The following APIP variants were observed in gnomAD, a reference collection of about 807,000 sequenced individuals.
APIP encodes the protein methylthioribulose-1-phosphate dehydratase.
In APIP, 32 loss-of-function variants were observed where a neutral mutation model predicts 32.0. The observed-to-expected ratio is 1.00, with a 90% CI of 0.76 to 1.34. APIP has a LOEUF of 1.34. APIP is among the 40% of genes most tolerant of loss of function. The pLI, the probability that APIP is intolerant of heterozygous loss-of-function variation, is 0.00. For missense variants in APIP, 247 were observed against 298.6 expected, an observed-to-expected ratio of 0.83 and a Z score of 1.27; for synonymous variants, 92 against 94.8, an observed-to-expected ratio of 0.97 and a Z score of 0.17.
At chr11:34,884,814 A>G (rs1442396484) in intron 5 of APIP, among the ~76,000 whole-genome samples, 2 of 152,100 alleles carry the variant, frequency 1.3e-5, no homozygotes, top group East Asian at 3.8e-4. Context: ...AACCATAAAC[A>G]TATTTTTCTC....
intron 3 of APIP, among the ~76,000 whole-genome samples, chr11:34,889,947 G>T (rs745831166): frequency 4.0e-5 from 6 of 151,870 alleles, no homozygotes; most frequent in Non-Finnish European, 5.9e-5. Flanking sequence ...TATCTGCCAG[G>T]ATTTATTAAA....
At chr11:34,902,073 G>T (rs2133917348) in intron 1 of APIP, among the ~76,000 whole-genome samples, 1 of 152,276 alleles carries the variant, frequency 6.6e-6, no homozygotes, top group Middle Eastern at 3.4e-3. Context: ...GCATCCAGTG[G>T]TACCTAATCC....
rs562767631 is a variant in APIP at position 34,884,041 on chromosome 11, G to A, written c.462-537C>T. Among the ~76,000 whole-genome samples the A allele has an allele frequency of 9.5e-4, 145 of 152,250 alleles. 1 individual carries two copies. Among genetic ancestry groups the A allele is most frequent in the Admixed American group, 7.8e-3 (120 of 15,290 alleles). On this transcript the variant is annotated intron_variant, in intron 5 of 6. Transcript: ENST00000395787. ...TGGAGATAACTCTTAAAGGTACGACGCTTTCAGAACATTCTCAAATCTGTA... is the reference window on the plus strand; with the variant it reads ...TGGAGATAACTCTTAAAGGTACGACACTTTCAGAACATTCTCAAATCTGTA...
At position 34,888,788 on chromosome 11, in the gene APIP, A is replaced by T; in HGVS notation, c.289T>A (p.Cys97Ser). The T allele has an allele frequency of 6.6e-7, 1 of 1,520,072 alleles. No homozygotes were observed. The highest frequency in any genetic ancestry group is 8.7e-7 in the Non-Finnish European group (1 of 1,148,132). 94.2% of individuals were successfully genotyped at this position (1,520,072 alleles called of 1,614,324 possible). A position where few individuals can be genotyped will look rare whatever the true frequency, so the allele number is the denominator to read the frequency against. Residue 97 changes from cysteine (C) to serine (S), a missense_variant, in exon 4 of 7, where the codon TGT becomes AGT. Transcript: ENST00000395787. The part of the protein sequence containing the change: ...SPSKKLKKSQ[C>S]TPLFMNAYTM... Reference sequence around the variant, plus strand: ...TAAGCATTCATGAAAAGAGGAGTACACTGGCTTTTTTTTAGCTTCTTCGAT... The same window carrying T: ...TAAGCATTCATGAAAAGAGGAGTACTCTGGCTTTTTTTTAGCTTCTTCGAT...
intron 1 of APIP, among the ~76,000 whole-genome samples, chr11:34,896,497 T>A (rs767945723): frequency 7.2e-5 from 11 of 152,136 alleles, no homozygotes; most frequent in Non-Finnish European, 1.6e-4. Flanking sequence ...CTGCATGTTC[T>A]CACTCATAAA....
chr11:34,903,881 T>G (rs1853402919), intron 1 of APIP, among the ~76,000 whole-genome samples: 1 of 152,224 alleles, frequency 6.6e-6, no homozygotes, highest in Non-Finnish European at 1.5e-5. Flanking sequence ...TGGAAAATCC[T>G]TAAAATCCTT....
chr11:34,896,844 C>A, intron 1 of APIP: 4 of 1,278,158 alleles, frequency 3.1e-6, no homozygotes, highest in Non-Finnish European at 4.1e-6. Context: ...ATTTTGATAG[C>A]CATGTAAGCC....
intron 1 of APIP, among the ~76,000 whole-genome samples, chr11:34,903,939 G>T (rs951524820): frequency 2.0e-5 from 3 of 152,176 alleles, no homozygotes; most frequent in African/African-American, 7.2e-5. Flanking sequence ...AACGTGCCCA[G>T]AGATTGTTTT....
intron 1 of APIP, among the ~76,000 whole-genome samples, chr11:34,896,099 A>C (rs144852978): frequency 0.017 from 2,546 of 152,312 alleles, 65 homozygotes; most frequent in African/African-American, 0.057. Context: ...GTCAGGAAAC[A>C]ATAGATGCTG....
At chr11:34,892,908 G>A (rs1349274461) in intron 2 of APIP, among the ~76,000 whole-genome samples, 1 of 151,972 alleles carries the variant, frequency 6.6e-6, no homozygotes, top group Admixed American at 6.6e-5. Flanking sequence ...GACTTATTAA[G>A]TCATTTAAAT....
At chr11:34,904,448 T>C (rs1853411603) in intron 1 of APIP, among the ~76,000 whole-genome samples, 1 of 152,216 alleles carries the variant, frequency 6.6e-6, no homozygotes, top group Admixed American at 6.5e-5. Flanking sequence ...GTCACTCTTA[T>C]TCCCATGGCC....
At chr11:34,907,700 G>C (rs1440468342) in intron 1 of APIP, among the ~76,000 whole-genome samples, 1 of 152,102 alleles carries the variant, frequency 6.6e-6, no homozygotes, top group Non-Finnish European at 1.5e-5. Flanking sequence ...ATTATTGTTA[G>C]ATCTGGTTTT....
chr11:34,887,559 A>G (rs1853100233), intron 5 of APIP, among the ~76,000 whole-genome samples: 3 of 152,214 alleles, frequency 2.0e-5, no homozygotes, highest in Non-Finnish European at 2.9e-5. Context: ...TATTGTGGTA[A>G]TAACACTTTA....
At chr11:34,885,814 T>C (rs1241859200) in intron 5 of APIP, among the ~76,000 whole-genome samples, 1 of 152,118 alleles carries the variant, frequency 6.6e-6, no homozygotes, top group Non-Finnish European at 1.5e-5. Context: ...GCTGAGTTGA[T>C]CACGATCCCT....
At chr11:34,884,271 T>TA (rs34823343) in intron 5 of APIP, among the ~76,000 whole-genome samples, 7 of 151,504 alleles carry the variant, frequency 4.6e-5, no homozygotes, top group South Asian at 2.1e-4. Context: ...GCTAAAAACT[T>TA]AAAAAAAAAA....
At chr11:34,888,207 A>G in intron 5 of APIP, 86 bp downstream of exon 5, 1 of 1,199,132 alleles carries the variant, frequency 8.3e-7, no homozygotes, top group Non-Finnish European at 1.1e-6. Flanking sequence ...ACATCTCATT[A>G]TATGCATAAA....
intron 2 of APIP, among the ~76,000 whole-genome samples, chr11:34,893,688 GCCAGTTGTTAA>G (rs1853216933): frequency 6.6e-6 from 1 of 152,174 alleles, no homozygotes; most frequent in South Asian, 2.1e-4. Flanking sequence ...CCCTAACTGT[GCCAGTTGTTAA>G]CAGAGGAACC....
intron 1 of APIP, chr11:34,896,970 A>C: frequency 2.5e-6 from 1 of 395,780 alleles, no homozygotes; most frequent in Non-Finnish European, 4.7e-6. Context: ...AGTGAACAAA[A>C]TGAGATTCAC....
At chr11:34,903,144 C>G (rs1473176973) in intron 1 of APIP, among the ~76,000 whole-genome samples, 1 of 152,248 alleles carries the variant, frequency 6.6e-6, no homozygotes. Flanking sequence ...TTGTTCTCAT[C>G]TAAATCCAGC....
Sources: gnomAD v4.1 joint callset for allele counts (sites outside exome capture counted in the v4.1 genomes callset) on GRCh38, gnomAD v4.1.1 for gene constraint, MANE v1.5 for transcripts, NCBI Gene and HGNC (gene_info 2026-07-23, HGNC 2026-07-21) for gene names.